STXBP4: variants seen among roughly 807,000 people sequenced by gnomAD.
STXBP4 encodes the protein syntaxin binding protein 4.
Under a neutral mutation model 76.1 loss-of-function variants are expected in STXBP4, and 55 were observed. The observed-to-expected ratio is 0.72, with a 90% CI of 0.58 to 0.91. The LOEUF (loss-of-function observed/expected upper bound fraction) is 0.91. STXBP4 is among the 40% of genes least tolerant of loss of function. STXBP4 has a pLI of 0.00. For synonymous variants in STXBP4, 201 were observed against 220.2 expected (o/e 0.91, Z 0.77); for missense variants, 618 against 636.9 (o/e 0.97, Z 0.32).
At chr17:55,011,597 G>C (rs570025441) in intron 8 of STXBP4, among the ~76,000 whole-genome samples, 2 of 143,426 alleles carry the variant, frequency 1.4e-5, no homozygotes, top group East Asian at 2.1e-4. Flanking sequence ...TTGGTGGCTC[G>C]AATGCATGAG....
chr17:55,197,870 C>T, the STXBP4 span, among the ~76,000 whole-genome samples: 4 of 152,248 alleles, frequency 2.6e-5, no homozygotes, highest in Non-Finnish European at 5.9e-5. Flanking sequence ...ACTCTTCCCT[C>T]AGCATGGTGT....
chr17:54,986,328 A>G, intron 3 of STXBP4, 62 bp downstream of exon 3: 1 of 1,337,722 alleles, frequency 7.5e-7, no homozygotes, highest in Non-Finnish European at 1.0e-6. Flanking sequence ...ATTAATGAAC[A>G]TTTGATTAAA....
intron 12 of STXBP4, among the ~76,000 whole-genome samples, chr17:55,064,396 T>C (rs2079025261): frequency 6.6e-6 from 1 of 152,176 alleles, no homozygotes. Flanking sequence ...ATCACTGTTT[T>C]TCCCCTTTCA....
chr17:54,997,645 C>T (rs1030853726), intron 4 of STXBP4, among the ~76,000 whole-genome samples: 8 of 145,130 alleles, frequency 5.5e-5, no homozygotes, highest in African/African-American at 2.0e-4. Context: ...TGCTTCATTG[C>T]CCAGGCTGGA....
intron 1 of STXBP4, among the ~76,000 whole-genome samples, chr17:54,973,597 A>G (rs1226064797): frequency 6.6e-6 from 1 of 152,230 alleles, no homozygotes; most frequent in Non-Finnish European, 1.5e-5. Flanking sequence ...AGATGCTGAA[A>G]TGAATATTTT....
At chr17:54,978,761 TAAA>T (rs1380648136) in intron 1 of STXBP4, among the ~76,000 whole-genome samples, 1 of 152,132 alleles carries the variant, frequency 6.6e-6, no homozygotes, top group African/African-American at 2.4e-5. Flanking sequence ...AAGAATAACT[TAAA>T]GAAGGAAATA....
rs754466823 is a variant in STXBP4, at chr17:55,007,572, G to A, written c.641G>A (p.Arg214His). 3.2e-5 allele frequency: 51 copies of A among 1,600,764 alleles called. No homozygotes were observed. In the Admixed American group the frequency reaches 6.4e-4, roughly 20 times the overall value. The change falls in exon 8 of 18, where the codon CGC (arginine) becomes CAC (histidine). Residue 214 changes from arginine to histidine, a missense_variant. By Grantham distance (29) the Arg-to-His change is conservative. Transcript: ENST00000376352. Reference sequence around the variant, plus strand: ...AAGATCTCCCTAAATCCCTCTGTTCGCTTTAAGGCAGAGAAACTGGAAATG... The same window carrying A: ...AAGATCTCCCTAAATCCCTCTGTTCACTTTAAGGCAGAGAAACTGGAAATG... ...QEKISLNPSVRFKAEKLEMAL... is the reference protein window; with the variant it reads ...QEKISLNPSVHFKAEKLEMAL...
intron 8 of STXBP4, among the ~76,000 whole-genome samples, chr17:55,015,180 C>T (rs930708752): frequency 1.3e-5 from 2 of 152,160 alleles, no homozygotes; most frequent in Admixed American, 1.3e-4. Context: ...GATTTTCTTC[C>T]TTTCCCTGTG....
intron 17 of STXBP4, among the ~76,000 whole-genome samples, chr17:55,154,952 C>G (rs2080260496): frequency 1.3e-5 from 2 of 152,010 alleles, no homozygotes; most frequent in Admixed American, 6.6e-5. Context: ...AATTTGTCCT[C>G]TAGACTGTAA....
At chr17:55,157,890 C>T (rs749706228) in intron 17 of STXBP4, among the ~76,000 whole-genome samples, 3 of 152,142 alleles carry the variant, frequency 2.0e-5, no homozygotes, top group Non-Finnish European at 4.4e-5. Flanking sequence ...CTATGGAACA[C>T]TGGCCCTGTG....
intron 16 of STXBP4, among the ~76,000 whole-genome samples, chr17:55,129,877 A>G (rs527931708): frequency 5.3e-5 from 8 of 152,302 alleles, no homozygotes; most frequent in Admixed American, 5.2e-4. Flanking sequence ...GAGATTTTGC[A>G]TATGTAATTA....
intron 11 of STXBP4, chr17:55,043,529 G>T (rs965108489): frequency 5.9e-5 from 72 of 1,217,494 alleles, no homozygotes; most frequent in Admixed American, 4.5e-5. Flanking sequence ...CACAATATCT[G>T]TGCAACATTT....
chr17:55,077,872 T>C (rs1268961103), intron 13 of STXBP4, among the ~76,000 whole-genome samples: 1 of 152,146 alleles, frequency 6.6e-6, no homozygotes, highest in Non-Finnish European at 1.5e-5. Context: ...ATATACAACT[T>C]ATCTCATAAA....
In STXBP4 at chr17:55,173,484, C is replaced by T. The variant is rs904165970; in HGVS notation, c.*13573C>T. On this transcript the variant is annotated 3_prime_UTR_variant, in exon 18 of 18. Coordinates refer to ENST00000376352, the MANE Select transcript of STXBP4 (RefSeq NM_178509.6). ...TAATGCCTTTGAGATTCATCCAGAT[C>T]GTTGTGTGTATCAGTAGTTTGTTTT... 1.1e-4 allele frequency: 16 copies of T among 152,158 alleles called. No homozygotes were observed. Among genetic ancestry groups the T allele is most frequent in the African/African-American group, 3.4e-4 (14 of 41,450 alleles). 9.4% of individuals were successfully genotyped at this position (152,158 alleles called of 1,614,324 possible).
chr17:55,199,859 C>T, the STXBP4 span, among the ~76,000 whole-genome samples: 1 of 152,196 alleles, frequency 6.6e-6, no homozygotes, highest in South Asian at 2.1e-4. Context: ...TGCTTCTCTC[C>T]TTTAGCTCAT....
intron 17 of STXBP4, among the ~76,000 whole-genome samples, chr17:55,157,770 A>G (rs1369763552): frequency 1.3e-5 from 2 of 152,232 alleles, no homozygotes; most frequent in African/African-American, 4.8e-5. Context: ...AAAACAAACC[A>G]AACTAATAAT....
Position 54,973,694 on chromosome 17 carries a change from C to T in STXBP4, c.-157+4879C>T, listed in dbSNP as rs114438980. On this transcript the variant is annotated intron_variant, in intron 1 of 17. Transcript: ENST00000376352. ...GCTTGTAATAATACATAAATTGTTACGATAACTAATGCCAAATAATGGATT... is the reference window on the plus strand; with the variant it reads ...GCTTGTAATAATACATAAATTGTTATGATAACTAATGCCAAATAATGGATT... Among the ~76,000 whole-genome samples, 822 of 152,234 alleles carry T rather than the reference C, an allele frequency of 5.4e-3. 9 individuals are homozygous for T. Among genetic ancestry groups the T allele is most frequent in the African/African-American group, 0.018 (768 of 41,538 alleles).
At chr17:54,979,890 A>G (rs2077524882) in intron 1 of STXBP4, among the ~76,000 whole-genome samples, 1 of 152,326 alleles carries the variant, frequency 6.6e-6, no homozygotes. Context: ...TTCAAAGTAA[A>G]TATAAAAGTA....
intron 1 of STXBP4, among the ~76,000 whole-genome samples, chr17:54,969,561 A>C (rs1246735201): frequency 6.6e-6 from 1 of 152,218 alleles, no homozygotes; most frequent in Non-Finnish European, 1.5e-5. Flanking sequence ...AAATCAGAAC[A>C]GTAAATGAAT....
Sources: gnomAD v4.1 joint callset for allele counts (sites outside exome capture counted in the v4.1 genomes callset) on GRCh38, gnomAD v4.1.1 for gene constraint, MANE v1.5 for transcripts, NCBI Gene and HGNC (gene_info 2026-07-23, HGNC 2026-07-21) for gene names.